Variants in SWI5 observed in about 807,000 individuals in gnomAD.
The protein encoded by SWI5 is DNA repair protein SWI5 homolog.
A neutral mutation model predicts 17.0 loss-of-function variants in SWI5; 12 were observed. The observed-to-expected ratio is 0.71, with a 90% CI of 0.45 to 1.14. SWI5 has a LOEUF of 1.14. SWI5 is among the 50% of genes most tolerant of loss of function. The probability of loss-of-function intolerance (pLI) is 0.00; values close to 1 mark genes in which losing one functional copy is unlikely to be tolerated. For missense variants in SWI5, 158 were observed against 162.2 expected (o/e 0.97, Z 0.14); for synonymous variants, 61 against 64.0 (o/e 0.95, Z 0.22).
intron 2 of SWI5, among the ~76,000 whole-genome samples, chr9:128,283,228 A>G (rs1164085826): frequency 1.3e-5 from 2 of 152,216 alleles, no homozygotes; most frequent in African/African-American, 4.8e-5. Context: ...AGGCTGAGGC[A>G]GGAGAATTGC....
intron 2 of SWI5, among the ~76,000 whole-genome samples, chr9:128,282,042 G>A (rs115719167): frequency 0.021 from 3,192 of 152,238 alleles, 86 homozygotes; most frequent in African/African-American, 0.073. Context: ...TTGTGCTACC[G>A]CACTCCAGCA....
intron 2 of SWI5, among the ~76,000 whole-genome samples, chr9:128,280,541 G>A (rs946318137): frequency 2.7e-5 from 4 of 147,208 alleles, no homozygotes; most frequent in Non-Finnish European, 5.9e-5. Flanking sequence ...CAAGAGTCTC[G>A]CTCTGCCACC....
In SWI5 at chr9:128,282,116, C is replaced by T. The variant is rs145454045; in HGVS notation, c.112-2394C>T. Among the ~76,000 whole-genome samples the T allele has an allele frequency of 1.7e-4, 26 of 152,274 alleles. No individual in the cohort carries two copies. The East Asian group carries it at 3.9e-3, about 23-fold the overall frequency. On this transcript the variant is annotated intron_variant, in intron 2 of 4. Coordinates refer to ENST00000418976, the Ensembl canonical transcript of SWI5. The stretch of plus-strand genomic sequence containing the variant: ...AATTAAATTTAAAAAAGGCCGGGTG[C>T]GGTGGCTCACGCCTGTAATCCCAGC...
At chr9:128,283,200 T>C (rs529244567) in intron 2 of SWI5, among the ~76,000 whole-genome samples, 7 of 152,134 alleles carry the variant, frequency 4.6e-5, no homozygotes, top group Admixed American at 1.3e-4. Flanking sequence ...TGGGCGCCTG[T>C]AATCCCAGCT....
chr9:128,276,002 G>C (rs771565852), upstream of SWI5: 3 of 1,596,240 alleles, frequency 1.9e-6, no homozygotes, highest in East Asian at 6.7e-5. Context: ...AACCACTGCG[G>C]AAGTCAGTCA....
At chr9:128,288,823 G>A in exon 5 of SWI5, 1 of 1,309,324 alleles carries the variant, frequency 7.6e-7, no homozygotes, top group Non-Finnish European at 1.1e-6. Flanking sequence ...GCGAGACAAT[G>A]CCAGAAGCAC....
chr9:128,281,036 T>C (rs1564373843), intron 2 of SWI5, among the ~76,000 whole-genome samples: 1 of 133,570 alleles, frequency 7.5e-6, no homozygotes, highest in African/African-American at 2.8e-5. Context: ...TGCTTTTTTT[T>C]TTTTTTTTTT....
At chr9:128,275,544 A>G (rs1380091367), upstream of SWI5, 4 of 1,260,500 alleles carry the variant, frequency 3.2e-6, no homozygotes, top group African/African-American at 4.9e-5. Context: ...ACGGGCCCAA[A>G]GTCACTGGCG....
exon 1 of SWI5, chr9:128,276,302 G>A (rs2131408787): frequency 6.2e-7 from 1 of 1,612,898 alleles, no homozygotes; most frequent in Non-Finnish European, 8.5e-7. Flanking sequence ...CAGAGTTCCT[G>A]GCCCGGTGCA....
intron 2 of SWI5, among the ~76,000 whole-genome samples, chr9:128,281,057 T>C (rs1831530308): frequency 1.8e-5 from 2 of 112,078 alleles, no homozygotes. Context: ...TTTTTTTTTT[T>C]GAGAGAGTCT....
chr9:128,288,543 C>A, intron 4 of SWI5, 109 bp from the exon 5 acceptor site: 2 of 1,143,876 alleles, frequency 1.7e-6, no homozygotes, highest in South Asian at 1.3e-5. Flanking sequence ...TGGCTTGAAG[C>A]CAGAGGTGGT....
At chr9:128,275,962 G>A (rs201786952), upstream of SWI5, 62 of 1,596,360 alleles carry the variant, frequency 3.9e-5, no homozygotes, top group East Asian at 4.1e-4. Flanking sequence ...GAGGGAGGCG[G>A]GGTTGGGGCC....
At chr9:128,279,648 G>A (rs188229908) in intron 2 of SWI5, among the ~76,000 whole-genome samples, 6 of 152,344 alleles carry the variant, frequency 3.9e-5, no homozygotes, top group South Asian at 2.1e-4. Context: ...GAGTATGGAA[G>A]GAACATAAAA....
At chr9:128,287,752 G>C (rs1460340001) in intron 4 of SWI5, among the ~76,000 whole-genome samples, 1 of 151,884 alleles carries the variant, frequency 6.6e-6, no homozygotes, top group Non-Finnish European at 1.5e-5. Flanking sequence ...AGTAGAGACA[G>C]GGTTTCACCA....
At chr9:128,284,148 G>T (rs1831590484) in intron 2 of SWI5, among the ~76,000 whole-genome samples, 1 of 151,704 alleles carries the variant, frequency 6.6e-6, no homozygotes, top group African/African-American at 2.4e-5. Context: ...AATTAGCCGG[G>T]CATGGTGGCG....
At chr9:128,280,510 TAAAAAA>T (rs776076324) in intron 2 of SWI5, among the ~76,000 whole-genome samples, 1 of 133,434 alleles carries the variant, frequency 7.5e-6, no homozygotes. Context: ...CTGTTCTTTT[TAAAAAA>T]AAAAAAAAAA....
At chr9:128,284,553 A>C in exon 3 of SWI5, 2 of 1,613,908 alleles carry the variant, frequency 1.2e-6, no homozygotes, top group Non-Finnish European at 1.7e-6. Flanking sequence ...ACCAGCGAGG[A>C]GTCTCTGCAC....
Position 128,276,404 on chromosome 9 carries a change from T to A in SWI5, c.62+2T>A, listed in dbSNP as rs776296578. The A allele has an allele frequency of 6.2e-7, 1 of 1,611,878 alleles. No homozygotes were observed. Among genetic ancestry groups the A allele is most frequent in the Non-Finnish European group, 8.5e-7 (1 of 1,179,018 alleles). ...GCCTCGGACCCCAGGGCTCAGGAGGTGGGCGAGGAACGGACTCCACAGTTT... is the reference window on the plus strand; with the variant it reads ...GCCTCGGACCCCAGGGCTCAGGAGGAGGGCGAGGAACGGACTCCACAGTTT... On this transcript the variant is annotated splice_donor_variant, in intron 1 of 4. Coordinates refer to ENST00000418976, the Ensembl canonical transcript of SWI5. LOFTEE classifies it high-confidence loss of function.
At chr9:128,281,301 G>A (rs891744312) in intron 2 of SWI5, among the ~76,000 whole-genome samples, 10 of 152,108 alleles carry the variant, frequency 6.6e-5, no homozygotes, top group African/African-American at 2.2e-4. Context: ...CTCCCAAAGT[G>A]CTGGGATTAC....
Sources: gnomAD v4.1 joint callset for allele counts (sites outside exome capture counted in the v4.1 genomes callset) on GRCh38, gnomAD v4.1.1 for gene constraint, MANE v1.5 for transcripts, NCBI Gene and HGNC (gene_info 2026-07-23, HGNC 2026-07-21) for gene names.